Variants in PEX1 observed in about 807,000 individuals in gnomAD.
PEX1 encodes the protein peroxisomal biogenesis factor 1.
A neutral mutation model predicts 152.5 loss-of-function variants in PEX1; 97 were observed. The observed-to-expected ratio is 0.64, with a 90% CI of 0.54 to 0.75. The LOEUF (loss-of-function observed/expected upper bound fraction) is 0.75. Among genes scored for constraint, PEX1 ranks in the 30% least tolerant of loss-of-function variants. The pLI is 0.00. For missense variants in PEX1, 1,357 were observed against 1,516.3 expected (o/e 0.89, Z 1.74); for synonymous variants, 485 against 531.6 (o/e 0.91, Z 1.21).
intron 1 of PEX1, among the ~76,000 whole-genome samples, chr7:92,526,009 A>G (rs1447523331): frequency 1.3e-5 from 2 of 152,228 alleles, no homozygotes; most frequent in African/African-American, 2.4e-5. Flanking sequence ...GATTGGTTAT[A>G]GAAGAAACAG....
chr7:92,504,646 C>A, intron 12 of PEX1, 86 bp downstream of exon 12: 1 of 1,301,054 alleles, frequency 7.7e-7, no homozygotes, highest in South Asian at 1.2e-5. Flanking sequence ...ATATATTATT[C>A]TCTGAAGAGA....
intron 16 of PEX1, among the ~76,000 whole-genome samples, 157 bp downstream of exon 16, chr7:92,499,544 AGAG>A (rs1206246211): frequency 6.6e-6 from 1 of 152,240 alleles, no homozygotes; most frequent in Non-Finnish European, 1.5e-5. Flanking sequence ...GGGATAAGCA[AGAG>A]GAGGAGTGGA....
chr7:92,514,929 A>AG (rs1792654719), intron 5 of PEX1, among the ~76,000 whole-genome samples: 2 of 151,602 alleles, frequency 1.3e-5, no homozygotes, highest in African/African-American at 4.8e-5. Flanking sequence ...GGGAGCCTGT[A>AG]TCCTAGCTAC....
chr7:92,522,021 A>G (rs1793070894), intron 2 of PEX1, 81 bp downstream of exon 2: 7 of 1,474,934 alleles, frequency 4.7e-6, no homozygotes, highest in Non-Finnish European at 6.6e-6. Context: ...TCCTTTAACA[A>G]AAAATCTAAA....
At chr7:92,513,801 C>CA (rs752848533) in intron 6 of PEX1, 47 bp downstream of exon 6, 9 of 1,432,834 alleles carry the variant, frequency 6.3e-6, no homozygotes, top group Middle Eastern at 1.8e-4. Context: ...AGAAATCTTA[C>CA]AAAACGTGTA....
chr7:92,514,817 C>T (rs975044954), intron 5 of PEX1, among the ~76,000 whole-genome samples: 6 of 151,804 alleles, frequency 4.0e-5, no homozygotes, highest in Non-Finnish European at 5.9e-5. Flanking sequence ...TTTGGGAGGC[C>T]GAGGTGGGCG....
chr7:92,518,286 CT>C, intron 3 of PEX1, 31 bp from the exon 4 acceptor site: 1 of 1,373,950 alleles, frequency 7.3e-7, no homozygotes, highest in Non-Finnish European at 1.0e-6. Flanking sequence ...GATCAATTCA[CT>C]TTACATTTTG....
intron 16 of PEX1, among the ~76,000 whole-genome samples, chr7:92,497,388 A>G (rs914841950): frequency 2.6e-5 from 4 of 152,144 alleles, no homozygotes; most frequent in African/African-American, 9.7e-5. Context: ...ATCTTCAATT[A>G]CTGAAACAAT....
In PEX1 at chr7:92,524,806, A is replaced by G. The variant is rs1322092465; in HGVS notation, c.130-2561T>C. Among the ~76,000 whole-genome samples, 4 of 152,322 alleles carry G rather than the reference A, an allele frequency of 2.6e-5. No individual in the cohort carries two copies. The South Asian group carries it at 6.2e-4, about 24-fold the overall frequency. ...TTGGAATCAAAAGTCTTAAGTTACC[A>G]TATCAGCTGTAACCGTGTGAGCTAT... On this transcript the variant is annotated intron_variant, in intron 1 of 23. Transcript: ENST00000248633.
chr7:92,519,117 CT>C (rs1484485441), intron 2 of PEX1, 39 bp from the exon 3 acceptor site: 1 of 1,139,228 alleles, frequency 8.8e-7, no homozygotes, highest in African/African-American at 1.5e-5. Flanking sequence ...TTTAAAAAAA[CT>C]TTTCTGTGTC....
chr7:92,523,731 C>T (rs1167795917), intron 1 of PEX1, among the ~76,000 whole-genome samples: 2 of 151,894 alleles, frequency 1.3e-5, no homozygotes, highest in Non-Finnish European at 2.9e-5. Context: ...CTCAGGAAGC[C>T]GAGGTGGGAG....
At position 92,489,344 on chromosome 7, in the gene PEX1, C is replaced by A. The variant is rs1177523301; in HGVS notation, c.3716G>T (p.Gly1239Val). The A allele has an allele frequency of 6.2e-7, 1 of 1,613,128 alleles. No homozygotes were observed. Among genetic ancestry groups the A allele is most frequent in the Non-Finnish European group, 8.5e-7 (1 of 1,179,402 alleles). Residue 1239 changes from glycine (G) to valine (V), a missense_variant, in exon 23 of 24, where the codon GGT (glycine) becomes GTT (valine). By Grantham distance (109) the Gly-to-Val change is moderately radical. Transcript: ENST00000248633. ...ISQSHLMTAL[G>V]HTRPSISEDD... ...TTCACTAATGGATGGTCTTGTGTGACCAAGTGCAGTCATTAAATGTGACTG... is the reference window on the plus strand; with the variant it reads ...TTCACTAATGGATGGTCTTGTGTGAACAAGTGCAGTCATTAAATGTGACTG...
At position 92,513,829 on chromosome 7, in the gene PEX1, C is replaced by CATATAT. The variant is rs1258099284; in HGVS notation, c.1359+13_1359+18dup. 1 of 1,571,730 alleles carries CATATAT rather than the reference C, an allele frequency of 6.4e-7. No homozygotes were observed. The highest frequency in any genetic ancestry group is 1.7e-5 in the Admixed American group (1 of 59,526). On this transcript the variant is annotated intron_variant, in intron 6 of 23. Transcript: ENST00000248633. ...AACGTGTAAAAGAATTTTGATGTAACATATATATTTGAACTCACTAAATTC... is the reference window on the plus strand; with the variant it reads ...AACGTGTAAAAGAATTTTGATGTAACATATATATATATATTTGAACTCACTAAATTC...
chr7:92,506,117 A>G, intron 11 of PEX1, 131 bp downstream of exon 11: 7 of 130,126 alleles, frequency 5.4e-5, no homozygotes, highest in Middle Eastern at 1.1e-3. Flanking sequence ...AGAAATTTTA[A>G]TGACTAAATG....
intron 11 of PEX1, among the ~76,000 whole-genome samples, chr7:92,505,861 T>A (rs972371438): frequency 1.3e-5 from 2 of 152,200 alleles, no homozygotes; most frequent in Admixed American, 6.6e-5. Flanking sequence ...GAACTGTAAT[T>A]CTCCTCATTG....
At chr7:92,517,233 A>T in intron 5 of PEX1, 43 bp downstream of exon 5, 2 of 1,392,740 alleles carry the variant, frequency 1.4e-6, no homozygotes, top group Admixed American at 1.7e-5. Flanking sequence ...GGGGATGTTT[A>T]AGCCACATAA....
At chr7:92,511,727 G>A in intron 6 of PEX1, 24 bp from the exon 7 acceptor site, 1 of 1,601,690 alleles carries the variant, frequency 6.2e-7, no homozygotes, top group Non-Finnish European at 8.5e-7. Flanking sequence ...GAATAGTAAT[G>A]AATTATCCTC....
In PEX1 at chr7:92,492,441, A is replaced by T. The variant is rs555859038; in HGVS notation, c.3207+512T>A. ...CTTGGCCTGCCAAAGTGCTGGGATT[A>T]CAGGCGTGAACCACTGCACCTGGCC... On this transcript the variant is annotated intron_variant, in intron 20 of 23. Transcript: ENST00000248633. Among the ~76,000 whole-genome samples, 5 of 152,350 alleles carry T rather than the reference A, an allele frequency of 3.3e-5. No individual in the cohort carries two copies. The South Asian group carries it at 8.3e-4, about 25-fold the overall frequency.
chr7:92,514,630 C>A (rs1441615617), intron 5 of PEX1, among the ~76,000 whole-genome samples: 3 of 152,170 alleles, frequency 2.0e-5, no homozygotes, highest in Admixed American at 6.5e-5. Flanking sequence ...TAGATCCAGA[C>A]AGAAACTTAA....
Sources: allele counts gnomAD v4.1 joint callset (sites outside exome capture counted in the v4.1 genomes callset), GRCh38; gene constraint gnomAD v4.1.1; transcripts MANE v1.5; gene names NCBI Gene and HGNC (gene_info 2026-07-23, HGNC 2026-07-21).